LATS2: variants seen among roughly 807,000 people sequenced by gnomAD.
LATS2 encodes the protein large tumor suppressor kinase 2.
Under a neutral mutation model 76.0 loss-of-function variants are expected in LATS2, and 24 were observed. The observed-to-expected ratio is 0.32, with a 90% confidence interval of 0.23 to 0.44. The LOEUF is 0.44. Ranked by LOEUF, LATS2 falls within the 20% of genes least tolerant of loss-of-function variation. The pLI, the probability that LATS2 is intolerant of heterozygous loss-of-function variation, is 1.00. For synonymous variants in LATS2, 692 were observed against 635.4 expected, an observed-to-expected ratio of 1.09 and a Z score of -1.34; for missense variants, 1,286 against 1,481.2, an observed-to-expected ratio of 0.87 and a Z score of 2.16.
chr13:21,044,694 GT>G lies in LATS2; in HGVS notation c.342+990del, dbSNP rs1366775277. Among the ~76,000 whole-genome samples the G allele has an allele frequency of 2.0e-3, 9 of 4,600 alleles. No homozygotes were observed. In the Admixed American group the frequency reaches 0.02, roughly 10 times the overall value. 3.0% of individuals were successfully genotyped at this position (4,600 alleles called of 152,430 possible). A position where few individuals can be genotyped will look rare whatever the true frequency, so the allele number is the denominator to read the frequency against. ...GTATGGCTATGAGGTGTAGGGGTGT[GT>G]GTGTGTGTGTGTGTGTGTGTGTGTG... On this transcript the variant is annotated intron_variant, in intron 2 of 7. Transcript: ENST00000382592.
chr13:20,985,148 A>G (rs649363), intron 4 of LATS2, among the ~76,000 whole-genome samples: 108,057 of 152,024 alleles, frequency 0.71, 39,538 homozygotes, highest in Middle Eastern at 0.83. Context: ...AAAACAGATT[A>G]AAGACCTAGA....
chr13:21,039,464 C>T (rs1482782000), intron 2 of LATS2, among the ~76,000 whole-genome samples: 1 of 152,094 alleles, frequency 6.6e-6, no homozygotes, highest in African/African-American at 2.4e-5. Context: ...TTCTCTATAG[C>T]TTTTTTGGTG....
At chr13:21,026,566 T>C (rs1872318538) in intron 2 of LATS2, among the ~76,000 whole-genome samples, 1 of 152,210 alleles carries the variant, frequency 6.6e-6, no homozygotes, top group Non-Finnish European at 1.5e-5. Flanking sequence ...CTACTATAAA[T>C]ATTTGTGTAC....
At chr13:21,020,847 G>A (rs1433451538) in intron 2 of LATS2, among the ~76,000 whole-genome samples, 2 of 152,188 alleles carry the variant, frequency 1.3e-5, no homozygotes, top group Non-Finnish European at 2.9e-5. Context: ...TGGCACAGAT[G>A]AGCACACCTA....
intron 2 of LATS2, among the ~76,000 whole-genome samples, chr13:21,031,463 T>TC (rs1308110734): frequency 3.3e-5 from 5 of 152,240 alleles, no homozygotes; most frequent in African/African-American, 1.2e-4. Flanking sequence ...TACCTAATGT[T>TC]ATGTTGAGAC....
At chr13:20,994,304 C>T (rs1870645207) in intron 2 of LATS2, among the ~76,000 whole-genome samples, 1 of 152,186 alleles carries the variant, frequency 6.6e-6, no homozygotes, top group African/African-American at 2.4e-5. Flanking sequence ...ATCTGTCCAT[C>T]AACCCTTCTT....
intron 4 of LATS2, among the ~76,000 whole-genome samples, chr13:20,987,189 C>T (rs1212101082): frequency 1.3e-5 from 2 of 150,272 alleles, no homozygotes; most frequent in African/African-American, 2.5e-5. Context: ...AGCAAGACTC[C>T]GTCTAAAAAT....
chr13:21,043,153 CATAGTGAAACCCCGTCTCTGCTAAAA>C (rs1872944954), intron 2 of LATS2, among the ~76,000 whole-genome samples: 1 of 151,866 alleles, frequency 6.6e-6, no homozygotes, highest in African/African-American at 2.4e-5. Context: ...GCCTAGCCAA[CATAGTGAAACCCCGTCTCTGCTAAAA>C]ATACAAAAAT....
chr13:20,978,613 A>C (rs976306460), intron 7 of LATS2, among the ~76,000 whole-genome samples: 11 of 152,272 alleles, frequency 7.2e-5, no homozygotes, highest in African/African-American at 2.4e-4. Flanking sequence ...GGTCACTTAC[A>C]CTAGCATTTT....
chr13:21,027,922 ATTT>A (rs1211537791), intron 2 of LATS2, among the ~76,000 whole-genome samples: 1 of 151,840 alleles, frequency 6.6e-6, no homozygotes, highest in East Asian at 1.9e-4. Flanking sequence ...TTATTTATTA[ATTT>A]TTTATTTTTT....
At chr13:21,050,147 G>GATAGATACATACATAC (rs71200328) in intron 1 of LATS2, among the ~76,000 whole-genome samples, 17 of 53,784 alleles carry the variant, frequency 3.2e-4, no homozygotes, top group African/African-American at 6.6e-4. Flanking sequence ...TAGATAGATA[G>GATAGATACATACATAC]ATACATACAT....
At chr13:21,019,905 T>G (rs1871982883) in intron 2 of LATS2, among the ~76,000 whole-genome samples, 2 of 145,242 alleles carry the variant, frequency 1.4e-5, no homozygotes, top group Admixed American at 7.0e-5. Context: ...ACCCAGGAGG[T>G]GGAGTTCGCA....
At chr13:21,043,301 C>T (rs1872950348) in intron 2 of LATS2, among the ~76,000 whole-genome samples, 1 of 151,836 alleles carries the variant, frequency 6.6e-6, no homozygotes, top group African/African-American at 2.4e-5. Context: ...GACGCCACCA[C>T]ACTCCAGCCT....
At position 20,975,211 on chromosome 13, in the gene LATS2, T is replaced by C. The variant is rs140059642; in HGVS notation, c.2926A>G (p.Ile976Val). 76 of 1,614,142 alleles carry C rather than the reference T, an allele frequency of 4.7e-5. 1 individual carries two copies. Among genetic ancestry groups the C allele is most frequent in the Admixed American group, 1.7e-4 (10 of 60,012 alleles). ...TTCCGGATGTCACTGGAGAAGTCAA[T>C]GGCGCTGAAGAAGGGGTGGGCCTTC... is the stretch of plus-strand genomic sequence containing the variant. ...DLKAHPFFSAIDFSSDIRKQP... is the reference protein window; with the variant it reads ...DLKAHPFFSAVDFSSDIRKQP... Residue 976 changes from isoleucine (I) to valine (V), a missense_variant, in exon 8 of 8, where the codon ATT (isoleucine) becomes GTT (valine). By Grantham distance (29) the Ile-to-Val change is conservative (BLOSUM62 3). Transcript: ENST00000382592.
At chr13:21,020,719 C>CT (rs1342161844) in intron 2 of LATS2, among the ~76,000 whole-genome samples, 2 of 152,162 alleles carry the variant, frequency 1.3e-5, no homozygotes, top group African/African-American at 2.4e-5. Context: ...TTGAAAATGG[C>CT]TTTTTTCCAC....
intron 2 of LATS2, among the ~76,000 whole-genome samples, chr13:21,030,224 A>T (rs1185267628): frequency 6.6e-6 from 1 of 152,168 alleles, no homozygotes; most frequent in East Asian, 1.9e-4. Context: ...TCAACATGAA[A>T]TTTGGGTGGG....
rs1869554211 is a variant in LATS2 at position 20,975,258 on chromosome 13, C to T, written c.2879G>A (p.Gly960Glu). The T allele has an allele frequency of 6.2e-7, 1 of 1,614,046 alleles. No homozygotes were observed. ...KLCCSADHRL[G>E]RNGADDLKAH... Reference sequence around the variant, plus strand: ...CTTCAGGTCATCGGCCCCATTCCGCCCCAGGCGGTGGTCTGCGGAGCAGCA... The same window carrying T: ...CTTCAGGTCATCGGCCCCATTCCGCTCCAGGCGGTGGTCTGCGGAGCAGCA... The change falls in exon 8 of 8, where the codon GGG becomes GAG. Residue 960 changes from glycine (G) to glutamate (E), a missense_variant. Gly to Glu is a moderately conservative substitution (Grantham distance 98). Transcript: ENST00000382592.
chr13:21,007,450 T>G (rs1871299848), intron 2 of LATS2, among the ~76,000 whole-genome samples: 1 of 141,830 alleles, frequency 7.1e-6, no homozygotes, highest in South Asian at 2.2e-4. Flanking sequence ...ACTGAGAAGA[T>G]ATAAGGAGGC....
chr13:20,982,583 T>TTA (rs1869940377), intron 5 of LATS2, among the ~76,000 whole-genome samples: 1 of 152,026 alleles, frequency 6.6e-6, no homozygotes, highest in Admixed American at 6.5e-5. Flanking sequence ...AGTGCTAGGA[T>TTA]TACAGGCGTG....
Sources: gnomAD v4.1 joint callset for allele counts (sites outside exome capture counted in the v4.1 genomes callset) on GRCh38, gnomAD v4.1.1 for gene constraint, MANE v1.5 for transcripts, NCBI Gene and HGNC (gene_info 2026-07-23, HGNC 2026-07-21) for gene names.